The following MAD1L1 variants were observed in gnomAD, a reference collection of about 807,000 sequenced individuals.
MAD1L1 encodes the protein mitotic spindle assembly checkpoint protein MAD1.
In MAD1L1, 95 loss-of-function variants were observed where a neutral mutation model predicts 96.9. The ratio of observed to expected loss-of-function variants is 0.98; its 90% CI spans 0.83 to 1.16. The LOEUF is 1.16. MAD1L1 is among the 50% of genes most tolerant of loss of function. MAD1L1 has a pLI of 0.00. For missense variants in MAD1L1, 1,007 were observed against 954.4 expected (o/e 1.06, Z -0.73); for synonymous variants, 473 against 396.6 (o/e 1.19, Z -2.29).
intron 11 of MAD1L1, among the ~76,000 whole-genome samples, chr7:2,144,893 A>G (rs1789217489): frequency 6.6e-6 from 1 of 152,154 alleles, no homozygotes; most frequent in African/African-American, 2.4e-5. Flanking sequence ...TCCTGCTCCA[A>G]GGTAAAGAGG....
intron 12 of MAD1L1, among the ~76,000 whole-genome samples, chr7:2,040,517 C>T (rs1434873382): frequency 2.0e-5 from 3 of 152,316 alleles, no homozygotes; most frequent in South Asian, 2.1e-4. Flanking sequence ...TTCACGAACG[C>T]GCTCCTGTCG....
intron 4 of MAD1L1, among the ~76,000 whole-genome samples, chr7:2,223,306 C>A (rs2159044): frequency 0.37 from 56,731 of 151,920 alleles, 10,855 homozygotes; most frequent in East Asian, 0.51. Context: ...AGACCCACCC[C>A]CCACGACTGG....
At chr7:2,180,550 G>C (rs1228636518) in intron 10 of MAD1L1, among the ~76,000 whole-genome samples, 1 of 152,176 alleles carries the variant, frequency 6.6e-6, no homozygotes, top group African/African-American at 2.4e-5. Flanking sequence ...TGTCTAGTGA[G>C]GTTTTGTAAT....
chr7:1,978,139 C>A (rs1172196712), intron 15 of MAD1L1, among the ~76,000 whole-genome samples: 2 of 152,244 alleles, frequency 1.3e-5, no homozygotes, highest in African/African-American at 4.8e-5. Context: ...TGCTGCTGGT[C>A]CCAGCTCCCC....
chr7:2,161,362 C>T (rs559937951), intron 10 of MAD1L1, among the ~76,000 whole-genome samples: 37 of 152,140 alleles, frequency 2.4e-4, no homozygotes, highest in Non-Finnish European at 3.8e-4. Context: ...CAGCCTCGGC[C>T]TCCCGCGGTG....
At chr7:2,043,465 T>G (rs750785861) in intron 12 of MAD1L1, among the ~76,000 whole-genome samples, 1 of 152,214 alleles carries the variant, frequency 6.6e-6, no homozygotes, top group Non-Finnish European at 1.5e-5. Flanking sequence ...GTTCTGACAA[T>G]CCCACGCTCC....
chr7:1,884,697 C>A (rs1184360927), intron 18 of MAD1L1, among the ~76,000 whole-genome samples: 2 of 152,210 alleles, frequency 1.3e-5, no homozygotes, highest in Non-Finnish European at 2.9e-5. Context: ...CGGAGGAGAA[C>A]CCCTGGTCCC....
intron 11 of MAD1L1, among the ~76,000 whole-genome samples, chr7:2,117,859 G>T (rs1787789778): frequency 6.6e-6 from 1 of 152,180 alleles, no homozygotes; most frequent in South Asian, 2.1e-4. Context: ...ACCATGAAGT[G>T]TGTGTATCCA....
rs189261246 is a variant in MAD1L1 at position 2,001,609 on chromosome 7, G to A, written c.1416+456C>T. On this transcript the variant is annotated intron_variant, in intron 14 of 18. Transcript: ENST00000265854. ...GGGCAGATAAGCACTCACTAGAGAC[G>A]TCCCTCTCCTGGTCAGGACCCATGC... 1.3e-3 allele frequency among the ~76,000 whole-genome samples: 203 copies of A among 152,338 alleles called. 2 individuals carry two copies. The highest frequency in any genetic ancestry group is 4.8e-3 in the African/African-American group (198 of 41,586).
At chr7:2,177,848 G>A (rs1791016955) in intron 10 of MAD1L1, among the ~76,000 whole-genome samples, 1 of 152,180 alleles carries the variant, frequency 6.6e-6, no homozygotes, top group African/African-American at 2.4e-5. Flanking sequence ...CAGTCTCAGT[G>A]GCTCTGGAGA....
chr7:2,098,257 G>A (rs1165274062), intron 11 of MAD1L1, among the ~76,000 whole-genome samples: 5 of 152,202 alleles, frequency 3.3e-5, no homozygotes, highest in Non-Finnish European at 7.3e-5. Context: ...TAGCACCAGA[G>A]CGCCAGTCAC....
At chr7:1,963,413 T>C (rs1214884929) in intron 15 of MAD1L1, among the ~76,000 whole-genome samples, 1 of 151,984 alleles carries the variant, frequency 6.6e-6, no homozygotes, top group African/African-American at 2.4e-5. Flanking sequence ...GTCGGCGGGT[T>C]TGGGGTGGGG....
intron 12 of MAD1L1, among the ~76,000 whole-genome samples, chr7:2,048,331 T>C (rs1784027398): frequency 6.6e-6 from 1 of 152,212 alleles, no homozygotes; most frequent in Admixed American, 6.5e-5. Context: ...AGTTCCTTCA[T>C]CTCATCCAAC....
At chr7:2,166,266 T>G (rs563031495) in intron 10 of MAD1L1, among the ~76,000 whole-genome samples, 77 of 152,318 alleles carry the variant, frequency 5.1e-4, no homozygotes, top group Non-Finnish European at 1.0e-3. Flanking sequence ...GCTCAACTGC[T>G]GCAGGGACAT....
chr7:2,205,249 C>T (rs1371889599), intron 10 of MAD1L1, among the ~76,000 whole-genome samples: 1 of 152,080 alleles, frequency 6.6e-6, no homozygotes, highest in Non-Finnish European at 1.5e-5. Context: ...TGCTAAAGAA[C>T]AGGCACGGGT....
rs554896727 is a variant in MAD1L1, at chr7:1,924,957, A to G, written c.1807+11730T>C. Among the ~76,000 whole-genome samples the G allele has an allele frequency of 2.0e-5, 3 of 152,352 alleles. No individual in the cohort carries two copies. The South Asian group carries it at 6.2e-4, about 32-fold the overall frequency. ...AGAAAAATCACTTTAAAAGTATACA[A>G]ATAGATATAATAAAGACATAGATAC... On this transcript the variant is annotated intron_variant, in intron 17 of 18. Transcript: ENST00000265854.
intron 14 of MAD1L1, among the ~76,000 whole-genome samples, chr7:1,998,123 A>G (rs1781639630): frequency 6.6e-6 from 1 of 152,218 alleles, no homozygotes; most frequent in Admixed American, 6.5e-5. Flanking sequence ...CCTCCAGCCC[A>G]GCGCTGCACC....
chr7:2,171,372 A>G (rs1255703451), intron 10 of MAD1L1, among the ~76,000 whole-genome samples: 3 of 152,224 alleles, frequency 2.0e-5, no homozygotes, highest in Admixed American at 2.0e-4. Flanking sequence ...CACAGCATGC[A>G]CACACGTGCA....
chr7:2,191,401 G>A (rs1221469474), intron 10 of MAD1L1, among the ~76,000 whole-genome samples: 1 of 152,120 alleles, frequency 6.6e-6, no homozygotes, highest in Non-Finnish European at 1.5e-5. Context: ...TTCACCTAAT[G>A]GTCATTTAGA....
Sources: allele counts gnomAD v4.1 joint callset (sites outside exome capture counted in the v4.1 genomes callset), GRCh38; gene constraint gnomAD v4.1.1; transcripts MANE v1.5; gene names NCBI Gene and HGNC (gene_info 2026-07-23, HGNC 2026-07-21).